Variants in GCC2 observed in about 807,000 individuals in gnomAD.
The protein encoded by GCC2 is GRIP and coiled-coil domain containing 2.
A neutral mutation model predicts 210.6 loss-of-function variants in GCC2; 120 were observed. The observed-to-expected ratio is 0.57, with a 90% CI of 0.49 to 0.66. The LOEUF (loss-of-function observed/expected upper bound fraction) is 0.66. GCC2 is among the 30% of genes least tolerant of loss of function. The probability of loss-of-function intolerance (pLI) is 0.00; values close to 1 mark genes in which losing one functional copy is unlikely to be tolerated. For missense variants in GCC2, 1,868 were observed against 1,871.9 expected (o/e 1.00, Z 0.04); for synonymous variants, 703 against 652.7 (o/e 1.08, Z -1.17).
chr2:108,505,548 A>ACT (rs748223339), intron 22 of GCC2, among the ~76,000 whole-genome samples: 7 of 152,118 alleles, frequency 4.6e-5, no homozygotes, highest in South Asian at 2.1e-4. Context: ...TTGCTAGCGG[A>ACT]CTCTCTGTCT....
At chr2:108,474,080 C>A (rs1681381647) in intron 7 of GCC2, among the ~76,000 whole-genome samples, 1 of 151,966 alleles carries the variant, frequency 6.6e-6, no homozygotes, top group African/African-American at 2.4e-5. Flanking sequence ...ATGGCATGAA[C>A]CCGGGAGGCA....
chr2:108,498,183 C>CTTTTTTTTTTTTTT (rs3084885), intron 21 of GCC2, among the ~76,000 whole-genome samples: 15 of 57,480 alleles, frequency 2.6e-4, no homozygotes, highest in African/African-American at 3.7e-4. Flanking sequence ...GTTATATTTT[C>CTTTTTTTTTTTTTT]TTTTTTTTTT....
In GCC2 at chr2:108,481,747, A is replaced by C; in HGVS notation, c.3111A>C (p.Lys1037Asn). The C allele has an allele frequency of 6.2e-7, 1 of 1,602,098 alleles. No individual in the cohort carries two copies. The highest frequency in any genetic ancestry group is 8.5e-7 in the Non-Finnish European group (1 of 1,172,128). ...EKQSEQLDVE[K>N]ERANNFEHRI... ...AGTCAGAGCAACTGGATGTGGAAAAAGAACGTGCTAATAATTTTGAGCATC... is the reference window on the plus strand; with the variant it reads ...AGTCAGAGCAACTGGATGTGGAAAACGAACGTGCTAATAATTTTGAGCATC... Residue 1037 changes from lysine (K) to asparagine (N), a missense_variant, in exon 10 of 23, where the codon AAA becomes AAC. Transcript: ENST00000309863.
At chr2:108,483,439 C>T (rs1023872941) in intron 12 of GCC2, among the ~76,000 whole-genome samples, 5 of 151,926 alleles carry the variant, frequency 3.3e-5, no homozygotes, top group Non-Finnish European at 7.4e-5. Context: ...TGGTTAGGCT[C>T]GTCTGGAACT....
intron 4 of GCC2, among the ~76,000 whole-genome samples, chr2:108,454,291 G>A (rs1053167212): frequency 3.2e-4 from 49 of 152,182 alleles, no homozygotes; most frequent in African/African-American, 1.1e-3. Context: ...CGCCCAGCCT[G>A]GTTATATATT....
At chr2:108,490,205 A>G (rs1246330363) in intron 18 of GCC2, 191 bp downstream of exon 18, 8 of 406,648 alleles carry the variant, frequency 2.0e-5, no homozygotes, top group Non-Finnish European at 3.1e-5. Flanking sequence ...TTGCATTTTT[A>G]AGAACAATTA....
intron 18 of GCC2, among the ~76,000 whole-genome samples, chr2:108,491,883 G>C (rs1185069997): frequency 6.6e-6 from 1 of 151,874 alleles, no homozygotes; most frequent in Non-Finnish European, 1.5e-5. Context: ...TTAGTTTCAG[G>C]CTGAGTACAT....
intron 9 of GCC2, among the ~76,000 whole-genome samples, chr2:108,479,918 G>T (rs766440284): frequency 2.7e-5 from 4 of 148,314 alleles, no homozygotes; most frequent in Non-Finnish European, 5.9e-5. Flanking sequence ...AGAGGCGAAG[G>T]CTGCAGTAAG....
chr2:108,487,923 T>G, intron 17 of GCC2, 103 bp downstream of exon 17: 2 of 901,030 alleles, frequency 2.2e-6, no homozygotes, highest in Non-Finnish European at 3.2e-6. Flanking sequence ...TTTTTTTTTT[T>G]GAGACAGACT....
chr2:108,480,766 G>A (rs1681812293), intron 9 of GCC2, among the ~76,000 whole-genome samples: 1 of 152,056 alleles, frequency 6.6e-6, no homozygotes, highest in Non-Finnish European at 1.5e-5. Context: ...GGAGGGGTAG[G>A]AGGAGGGAGA....
chr2:108,449,895 G>A (rs1028907587), intron 2 of GCC2: 1 of 573,070 alleles, frequency 1.7e-6, no homozygotes. Flanking sequence ...TTTGCTTCCT[G>A]CTCCTGGTTA....
intron 21 of GCC2, among the ~76,000 whole-genome samples, chr2:108,497,561 G>A (rs2378148): frequency 1.3e-5 from 2 of 152,262 alleles, no homozygotes; most frequent in Admixed American, 6.5e-5. Context: ...GGTGTGAGTC[G>A]TTGAATTCTA....
At chr2:108,450,376 TGAATA>T (rs976599504) in intron 2 of GCC2, among the ~76,000 whole-genome samples, 1 of 152,328 alleles carries the variant, frequency 6.6e-6, no homozygotes, top group Admixed American at 6.5e-5. Context: ...CTTGCAGCCT[TGAATA>T]GAATGAAATA....
chr2:108,502,858 G>A (rs1481058750), intron 22 of GCC2, among the ~76,000 whole-genome samples: 3 of 151,492 alleles, frequency 2.0e-5, no homozygotes, highest in Non-Finnish European at 2.9e-5. Flanking sequence ...GGGAGGCAGA[G>A]GTTGCAGTGA....
chr2:108,449,757 A>C (rs1679812925), intron 2 of GCC2, 68 bp downstream of exon 2: 107 of 1,173,638 alleles, frequency 9.1e-5, no homozygotes, highest in South Asian at 3.8e-4. Context: ...AAACTTTGGC[A>C]TGGGGAAGGG....
At chr2:108,494,445 TC>T (rs1158503647) in intron 19 of GCC2, 1 of 152,138 alleles carries the variant, frequency 6.6e-6, no homozygotes, top group Non-Finnish European at 1.5e-5. Flanking sequence ...ATTGATTAGT[TC>T]CGTGCCCTGG....
At chr2:108,483,719 T>C (rs1302370846) in intron 12 of GCC2, among the ~76,000 whole-genome samples, 1 of 152,188 alleles carries the variant, frequency 6.6e-6, no homozygotes, top group Non-Finnish European at 1.5e-5. Context: ...TTTGTATACA[T>C]GATTGTTGTA....
At chr2:108,449,894 T>G in intron 2 of GCC2, 1 of 574,260 alleles carries the variant, frequency 1.7e-6, no homozygotes, top group Non-Finnish European at 3.1e-6. Context: ...GTTTGCTTCC[T>G]GCTCCTGGTT....
At chr2:108,481,928 C>A (rs2718700) in intron 10 of GCC2, 112 bp downstream of exon 10, 118,206 of 700,766 alleles carry the variant, frequency 0.17, 11,178 homozygotes, top group African/African-American at 0.27. Flanking sequence ...TTATTCCCCC[C>A]CCACTTTACC....
Sources: allele counts gnomAD v4.1 joint callset (sites outside exome capture counted in the v4.1 genomes callset), GRCh38; gene constraint gnomAD v4.1.1; transcripts MANE v1.5; gene names NCBI Gene and HGNC (gene_info 2026-07-23, HGNC 2026-07-21).